Variants in WDR20 observed in about 807,000 individuals in gnomAD.
The protein encoded by WDR20 is WD repeat domain 20.
In WDR20, 3 loss-of-function variants were observed where a neutral mutation model predicts 38.7. The observed-to-expected ratio is 0.08, with a 90% CI of 0.04 to 0.20. The LOEUF is 0.20. Ranked by LOEUF, WDR20 falls within the 10% of genes least tolerant of loss-of-function variation. The pLI is 1.00. For missense variants in WDR20, 559 were observed against 727.7 expected (o/e 0.77, Z 2.67); for synonymous variants, 298 against 285.6 (o/e 1.04, Z -0.44).
At position 102,222,790 on chromosome 14, in the gene WDR20, C is replaced by G; in HGVS notation, c.1693-40C>G. On this transcript the variant is annotated intron_variant, in intron 3 of 3. Transcript: ENST00000335263. This position sits in a 1 kb window ranked among gnomAD's most constrained non-coding sequence, Gnocchi z 4.4. ...GCGCGCATGGTGGCTGTTGCCCGTC[C>G]GGTGTTTTGCTGGATTAATGTAGAC... 6.2e-7 allele frequency: 1 copy of G among 1,613,126 alleles called. No homozygotes were observed. Among genetic ancestry groups the G allele is most frequent in the Non-Finnish European group, 8.5e-7 (1 of 1,179,202 alleles).
chr14:102,195,254 C>T lies in WDR20; in HGVS notation c.432+134C>T, dbSNP rs575972373. On this transcript the variant is annotated intron_variant, in intron 2 of 2. Coordinates refer to ENST00000342702, the MANE Select transcript of WDR20 (RefSeq NM_144574.4). ...CGCCCAGCCCTCCTACCTAGTATGC[C>T]CAAGTTTAAATGTGGTGGATTAATT... 4.3e-6 allele frequency: 4 copies of T among 931,266 alleles called. No individual in the cohort carries two copies. In the African/African-American group the frequency reaches 5.0e-5, roughly 12 times the overall value. 57.7% of individuals were successfully genotyped at this position (931,266 alleles called of 1,614,324 possible). A position where few individuals can be genotyped will look rare whatever the true frequency, so the allele number is the denominator to read the frequency against.
At position 102,139,968 on chromosome 14, in the gene WDR20, C is replaced by T. The variant is rs1199284614; in HGVS notation, c.45C>T (p.Thr15=). 1 of 1,614,166 alleles carries T rather than the reference C, an allele frequency of 6.2e-7. No homozygotes were observed. Among genetic ancestry groups the T allele is most frequent in the Non-Finnish European group, 8.5e-7 (1 of 1,180,018 alleles). ...GGGKEMNEIK[T]QFTTREGLYK... ...GGAAGGAGATGAACGAGATTAAGAC[C>T]CAATTCACCACCCGGGAAGGTCTGT... Residue 15 remains threonine (T), a synonymous_variant, in exon 1 of 3, where the codon ACC becomes ACT. Transcript: ENST00000342702.
chr14:102,221,687 G>A lies in WDR20; in HGVS notation c.1693-1143G>A, dbSNP rs186023862. The stretch of plus-strand genomic sequence containing the variant: ...AGAAACGGGATGAAATGACTTGAGC[G>A]GGACAGCTTGCTTCCAGGCTTCCGG... On this transcript the variant is annotated intron_variant, in intron 3 of 3. Coordinates refer to the WDR20 transcript ENST00000335263. This position sits in a 1 kb window ranked among gnomAD's most constrained non-coding sequence, Gnocchi z 4.8. Among the ~76,000 whole-genome samples the A allele has an allele frequency of 2.2e-4, 33 of 152,312 alleles. No individual in the cohort carries two copies. The highest frequency in any genetic ancestry group is 4.6e-4 in the Admixed American group (7 of 15,300).
At chr14:102,198,082 A>C in intron 2 of WDR20, 1 of 376,772 alleles carries the variant, frequency 2.7e-6, no homozygotes, top group Non-Finnish European at 4.7e-6. Flanking sequence ...AAAGGGAGAG[A>C]ATCACAGAGG....
At chr14:102,171,436 T>G (rs1232784247) in intron 1 of WDR20, 1 of 151,622 alleles carries the variant, frequency 6.6e-6, no homozygotes, top group Non-Finnish European at 1.5e-5. Flanking sequence ...CCTCTTCTTG[T>G]ACCTCTGAGG....
chr14:102,200,461 T>TGTGTG lies in WDR20; in HGVS notation c.432+5341_432+5342insGTGTG, dbSNP rs201901921. On this transcript the variant is annotated intron_variant, in intron 2 of 2. Transcript: ENST00000342702. ...GGCGAGGAGTTTACTTTTTAAATTT[T>TGTGTG]TTTTTTTGTGTGTGTGTGTGTGTGT... Among the ~76,000 whole-genome samples the TGTGTG allele has an allele frequency of 6.6e-3, 662 of 100,694 alleles. 3 individuals are homozygous for TGTGTG. The highest frequency in any genetic ancestry group is 8.1e-3 in the Non-Finnish European group (394 of 48,616). 66.1% of individuals were successfully genotyped at this position (100,694 alleles called of 152,430 possible). A position where few individuals can be genotyped will look rare whatever the true frequency, so the allele number is the denominator to read the frequency against.
At chr14:102,196,330 AAAGTT>A (rs2059398941) in intron 2 of WDR20, among the ~76,000 whole-genome samples, 1 of 152,208 alleles carries the variant, frequency 6.6e-6, no homozygotes, top group African/African-American at 2.4e-5. Context: ...CCATTAAAAA[AAAGTT>A]AAGCAGAAAA....
At chr14:102,170,154 GTTCT>G (rs1324653212) in intron 1 of WDR20, among the ~76,000 whole-genome samples, 3 of 152,104 alleles carry the variant, frequency 2.0e-5, no homozygotes, top group Non-Finnish European at 2.9e-5. Flanking sequence ...TTCGGAGATT[GTTCT>G]TTGTCAATAA....
intron 1 of WDR20, among the ~76,000 whole-genome samples, chr14:102,172,219 G>C (rs1238607846): frequency 7.0e-6 from 1 of 143,138 alleles, no homozygotes; most frequent in Non-Finnish European, 1.6e-5. Flanking sequence ...GCACAGGGTT[G>C]GGGGGTAAGG....
chr14:102,210,668 T>A (rs941615745), downstream of WDR20: 4 of 464,028 alleles, frequency 8.6e-6, no homozygotes, highest in African/African-American at 8.5e-5. Flanking sequence ...CGAAGACCTT[T>A]TCTTCAGATG....
chr14:102,218,674 C>A (rs2063515066), downstream of WDR20, among the ~76,000 whole-genome samples: 1 of 151,896 alleles, frequency 6.6e-6, no homozygotes, highest in African/African-American at 2.4e-5. Flanking sequence ...GAACTGAAGT[C>A]TCTAGCGGGA....
chr14:102,177,281 A>G (rs867750195), intron 1 of WDR20, among the ~76,000 whole-genome samples: 5 of 152,122 alleles, frequency 3.3e-5, no homozygotes, highest in African/African-American at 1.2e-4. Context: ...ACATATTTCT[A>G]CTTGCCAATG....
chr14:102,178,906 C>G (rs1208533084), intron 1 of WDR20: 1 of 151,960 alleles, frequency 6.6e-6, no homozygotes, highest in East Asian at 1.9e-4. Context: ...GCGCGTCCCA[C>G]TTTATATTAT....
chr14:102,197,820 C>T, intron 2 of WDR20: 2 of 702,726 alleles, frequency 2.8e-6, no homozygotes, highest in Non-Finnish European at 5.2e-6. Context: ...GTAGCAAGAC[C>T]AGTGAGGAGG....
chr14:102,199,735 T>C (rs552860987), intron 2 of WDR20, among the ~76,000 whole-genome samples: 219 of 152,352 alleles, frequency 1.4e-3, no homozygotes, highest in African/African-American at 5.2e-3. Context: ...AATGGAATTA[T>C]AAATTTCAGA....
chr14:102,161,142 A>ATATATATATATATATTT (rs1342924049), intron 1 of WDR20, among the ~76,000 whole-genome samples: 9 of 16,048 alleles, frequency 5.6e-4, no homozygotes, highest in East Asian at 5.5e-3. Flanking sequence ...ATATATATAT[A>ATATATATATATATATTT]TTTTTTTTTT....
At chr14:102,212,670 C>T (rs1347958858), downstream of WDR20, 20 of 1,515,768 alleles carry the variant, frequency 1.3e-5, no homozygotes, top group African/African-American at 6.9e-5. Context: ...TAATGGCTCC[C>T]GCAGACCTGG....
chr14:102,163,639 A>AAAAAT (rs2059211716), intron 1 of WDR20, among the ~76,000 whole-genome samples: 3 of 151,276 alleles, frequency 2.0e-5, no homozygotes, highest in Admixed American at 1.3e-4. Context: ...AAAAAAAAAA[A>AAAAAT]AAAAAAAAAA....
chr14:102,214,433 A>T, downstream of WDR20: 3 of 985,226 alleles, frequency 3.0e-6, no homozygotes, highest in Non-Finnish European at 3.6e-6. Flanking sequence ...TACCTTTGAA[A>T]CTCAGATCCT....
Sources: allele counts gnomAD v4.1 joint callset (sites outside exome capture counted in the v4.1 genomes callset), GRCh38; gene constraint gnomAD v4.1.1; non-coding constraint Gnocchi (gnomAD v3.1); transcripts MANE v1.5; gene names NCBI Gene and HGNC (gene_info 2026-07-23, HGNC 2026-07-21).